Variants in MCTP1 observed in about 807,000 individuals in gnomAD.
The protein encoded by MCTP1 is multiple C2 and transmembrane domain-containing protein 1.
A neutral mutation model predicts 120.6 loss-of-function variants in MCTP1; 69 were observed. That is an observed-to-expected ratio of 0.57 (90% confidence interval 0.47 to 0.70). The LOEUF is 0.70. Ranked by LOEUF, MCTP1 falls within the 30% of genes least tolerant of loss-of-function variation. The pLI, the probability that MCTP1 is intolerant of heterozygous loss-of-function variation, is 0.00. For missense variants in MCTP1, 1,203 were observed against 1,248.8 expected (o/e 0.96, Z 0.55); for synonymous variants, 529 against 493.1 (o/e 1.07, Z -0.96).
chr5:94,822,936 A>T (rs1232070680), intron 17 of MCTP1, among the ~76,000 whole-genome samples: 2 of 152,076 alleles, frequency 1.3e-5, no homozygotes, highest in African/African-American at 2.4e-5. Context: ...CTTCTTATAG[A>T]TTCTGGATAT....
At chr5:95,024,038 T>C (rs1240798109) in intron 1 of MCTP1, 3 of 435,926 alleles carry the variant, frequency 6.9e-6, no homozygotes, top group Non-Finnish European at 1.4e-5. Flanking sequence ...TATTTTGTCC[T>C]AATCTACGGA....
intron 7 of MCTP1, among the ~76,000 whole-genome samples, chr5:94,922,492 C>T (rs535180629): frequency 6.7e-6 from 1 of 150,350 alleles, no homozygotes; most frequent in East Asian, 2.0e-4. Flanking sequence ...GTATATTCCC[C>T]CCCTTTTTTT....
intron 1 of MCTP1, among the ~76,000 whole-genome samples, chr5:95,279,263 G>C (rs1385008710): frequency 6.6e-6 from 1 of 152,146 alleles, no homozygotes; most frequent in Non-Finnish European, 1.5e-5. Context: ...AAAAGAAAGA[G>C]GAAGAAGAAT....
At chr5:95,203,819 A>G (rs1252179802) in intron 1 of MCTP1, among the ~76,000 whole-genome samples, 1 of 152,242 alleles carries the variant, frequency 6.6e-6, no homozygotes, top group Non-Finnish European at 1.5e-5. Context: ...TTCAATTAAC[A>G]TGCCTCTTAA....
intron 19 of MCTP1, among the ~76,000 whole-genome samples, chr5:94,769,582 A>G (rs2152893794): frequency 6.6e-6 from 1 of 152,322 alleles, no homozygotes; most frequent in South Asian, 2.1e-4. Flanking sequence ...CACAAAAATT[A>G]CAGAACTTCT....
intron 19 of MCTP1, among the ~76,000 whole-genome samples, chr5:94,715,278 A>G (rs750498958): frequency 2.7e-5 from 4 of 148,358 alleles, no homozygotes; most frequent in Non-Finnish European, 5.9e-5. Flanking sequence ...CGCACTGCCC[A>G]TAAACCCAAA....
intron 1 of MCTP1, among the ~76,000 whole-genome samples, chr5:95,044,194 T>C (rs962752733): frequency 2.0e-5 from 3 of 152,156 alleles, no homozygotes; most frequent in African/African-American, 7.2e-5. Context: ...AGAAGTTAAG[T>C]CCACAGAAAG....
intron 1 of MCTP1, among the ~76,000 whole-genome samples, chr5:95,099,185 G>C (rs1241557037): frequency 6.6e-6 from 1 of 152,100 alleles, no homozygotes; most frequent in African/African-American, 2.4e-5. Flanking sequence ...GAAAACCTAG[G>C]CATTACCATA....
At chr5:95,169,791 T>C (rs572710938) in intron 1 of MCTP1, among the ~76,000 whole-genome samples, 12 of 152,328 alleles carry the variant, frequency 7.9e-5, no homozygotes, top group Admixed American at 3.3e-4. Context: ...TGTCTTCTCT[T>C]CTTTATCAGC....
At chr5:94,900,583 A>AT (rs1805249756) in intron 10 of MCTP1, among the ~76,000 whole-genome samples, 1 of 152,230 alleles carries the variant, frequency 6.6e-6, no homozygotes, top group Non-Finnish European at 1.5e-5. Context: ...TTAAGTGCTT[A>AT]TGTCTCAGGT....
Position 95,246,391 on chromosome 5 carries a change from TAA to T in MCTP1, c.720+37463_720+37464del, listed in dbSNP as rs565392349. 5.9e-5 allele frequency among the ~76,000 whole-genome samples: 9 copies of T among 151,506 alleles called. No homozygotes were observed. In the South Asian group the frequency reaches 1.5e-3, roughly 25 times the overall value. ...AAAAGACATAAACTGGTAAATAGGATAAAGAGTCAGGAGACCCATCTCACATG... is the reference window on the plus strand; with the variant it reads ...AAAAGACATAAACTGGTAAATAGGATAGAGTCAGGAGACCCATCTCACATG... On this transcript the variant is annotated intron_variant, in intron 1 of 22. Transcript: ENST00000515393.
intron 17 of MCTP1, among the ~76,000 whole-genome samples, chr5:94,841,726 T>C (rs1186044133): frequency 1.3e-5 from 2 of 152,214 alleles, no homozygotes; most frequent in Admixed American, 1.3e-4. Context: ...CTCATATACA[T>C]TCAGGAATCC....
At position 94,834,394 on chromosome 5, in the gene MCTP1, A is replaced by C. The variant is rs956520371; in HGVS notation, c.2436+33939T>G. Among the ~76,000 whole-genome samples the C allele has an allele frequency of 2.0e-5, 3 of 152,338 alleles. No homozygotes were observed. In the East Asian group the frequency reaches 5.8e-4, roughly 29 times the overall value. On this transcript the variant is annotated intron_variant, in intron 17 of 22. Coordinates refer to ENST00000515393, the MANE Select transcript of MCTP1 (RefSeq NM_024717.7). ...TATTCAAACATATTCTAGAATATCA[A>C]GACACATATATTTTTTACAATGTGC...
At chr5:94,876,360 T>C (rs1798867015) in intron 12 of MCTP1, among the ~76,000 whole-genome samples, 1 of 151,974 alleles carries the variant, frequency 6.6e-6, no homozygotes, top group Admixed American at 6.6e-5. Flanking sequence ...GGTTGTGGGG[T>C]TGATTCTAGG....
intron 3 of MCTP1, among the ~76,000 whole-genome samples, chr5:94,947,329 G>A (rs549182444): frequency 4.6e-5 from 7 of 151,828 alleles, no homozygotes; most frequent in South Asian, 2.1e-4. Flanking sequence ...TTCACTGTCC[G>A]TGCCTAATTA....
chr5:95,268,820 G>A (rs990683838), intron 1 of MCTP1, among the ~76,000 whole-genome samples: 11 of 152,208 alleles, frequency 7.2e-5, no homozygotes, highest in African/African-American at 2.7e-4. Flanking sequence ...TGCGGACTCA[G>A]ACAGCAGAGC....
chr5:94,794,471 C>A (rs957184479), intron 18 of MCTP1, among the ~76,000 whole-genome samples: 6 of 152,160 alleles, frequency 3.9e-5, no homozygotes, highest in Non-Finnish European at 5.9e-5. Context: ...TTTGGAGACA[C>A]CCAGGATTCT....
At chr5:95,174,842 A>T (rs1215263008) in intron 1 of MCTP1, among the ~76,000 whole-genome samples, 1 of 152,224 alleles carries the variant, frequency 6.6e-6, no homozygotes, top group Non-Finnish European at 1.5e-5. Flanking sequence ...TAGGATATTT[A>T]TGAAGTTCAT....
chr5:94,744,818 G>T (rs1339554129), intron 19 of MCTP1, among the ~76,000 whole-genome samples: 2 of 152,060 alleles, frequency 1.3e-5, no homozygotes, highest in Non-Finnish European at 2.9e-5. Flanking sequence ...CCACCAATAG[G>T]TAGTTCTTGA....
Sources: gnomAD v4.1 joint callset for allele counts (sites outside exome capture counted in the v4.1 genomes callset) on GRCh38, gnomAD v4.1.1 for gene constraint, MANE v1.5 for transcripts, NCBI Gene and HGNC (gene_info 2026-07-23, HGNC 2026-07-21) for gene names.